Variants in MACROH2A1 observed in about 807,000 individuals in gnomAD.
MACROH2A1 encodes core histone macro-H2A.1.
MACROH2A1 carries 2 observed loss-of-function variants against 31.6 expected under a neutral mutation model. The ratio of observed to expected loss-of-function variants is 0.06; its 90% CI spans 0.03 to 0.20. MACROH2A1 has a LOEUF of 0.20. Ranked by LOEUF, MACROH2A1 falls within the 10% of genes least tolerant of loss-of-function variation. The pLI is 1.00. For missense variants in MACROH2A1, 230 were observed against 474.0 expected (o/e 0.49, Z 4.78); for synonymous variants, 169 against 189.6 (o/e 0.89, Z 0.89).
At chr5:135,364,936 C>G (rs1326486004) in intron 4 of MACROH2A1, among the ~76,000 whole-genome samples, 1 of 152,096 alleles carries the variant, frequency 6.6e-6, no homozygotes, top group Non-Finnish European at 1.5e-5. Flanking sequence ...TGGTAAGGAG[C>G]AAGCCTATAT....
At chr5:135,341,428 G>A (rs1759840129) in intron 8 of MACROH2A1, among the ~76,000 whole-genome samples, 1 of 152,246 alleles carries the variant, frequency 6.6e-6, no homozygotes, top group South Asian at 2.1e-4. Flanking sequence ...GCCCTTGACT[G>A]GGAGAAGTGG....
chr5:135,335,091 G>A lies in MACROH2A1; in HGVS notation c.1004C>T (p.Ser335Phe). The change falls in exon 9 of 9, where the codon TCC becomes TTC. Residue 335 changes from serine to phenylalanine, a missense_variant. This residue lies in a region of MACROH2A1 where 183 missense variants were observed against 319.3 expected (regional missense o/e 0.57). Coordinates refer to ENST00000511689, the MANE Select transcript of MACROH2A1 (RefSeq NM_138610.3). ...GGACATTGTAGACACGAAGTAACTG[G>A]AGATGGCCTTCAGAATCAGCTGAGC... The part of the protein sequence containing the change: ...TAAQLILKAI[S>F]SYFVSTMSSS... 6.2e-7 allele frequency: 1 copy of A among 1,613,822 alleles called. No individual in the cohort carries two copies. The highest frequency in any genetic ancestry group is 8.5e-7 in the Non-Finnish European group (1 of 1,179,680).
chr5:135,338,569 G>A (rs1561566548), intron 8 of MACROH2A1, among the ~76,000 whole-genome samples: 1 of 152,226 alleles, frequency 6.6e-6, no homozygotes, highest in Non-Finnish European at 1.5e-5. Flanking sequence ...ACCCCAGAGA[G>A]CTGCTGGCCG....
intron 2 of MACROH2A1, among the ~76,000 whole-genome samples, chr5:135,378,535 T>G (rs1330537908): frequency 6.6e-6 from 1 of 152,208 alleles, no homozygotes; most frequent in Non-Finnish European, 1.5e-5. Context: ...CGAGCCAGCC[T>G]TGGGGACCGG....
chr5:135,336,570 A>G (rs1758720175), intron 8 of MACROH2A1, among the ~76,000 whole-genome samples: 1 of 152,224 alleles, frequency 6.6e-6, no homozygotes, highest in Non-Finnish European at 1.5e-5. Context: ...TCAGAGCTCC[A>G]GAGCCGCTCT....
intron 6 of MACROH2A1, 144 bp downstream of exon 6, chr5:135,352,802 T>C: frequency 1.6e-6 from 1 of 630,622 alleles, no homozygotes; most frequent in Non-Finnish European, 2.9e-6. Context: ...TAAGTTGATA[T>C]TCAGCGTCTA....
intron 2 of MACROH2A1, among the ~76,000 whole-genome samples, chr5:135,377,745 A>G (rs544931006): frequency 6.6e-6 from 1 of 152,364 alleles, no homozygotes; most frequent in South Asian, 2.1e-4. Context: ...TGGATAGATG[A>G]GAAGCTGCAG....
At chr5:135,335,183 G>A (rs745693937) in intron 8 of MACROH2A1, 42 bp from the exon 9 acceptor site, 25 of 1,523,708 alleles carry the variant, frequency 1.6e-5, no homozygotes, top group Admixed American at 6.7e-5. Context: ...GGGATGCCAC[G>A]GGGGCTGCAG....
At chr5:135,344,226 C>G (rs76424242) in intron 7 of MACROH2A1, 45 of 152,432 alleles carry the variant, frequency 3.0e-4, no homozygotes, top group African/African-American at 1.1e-3. Context: ...TCCAGAACCC[C>G]TGTCCACAGA....
chr5:135,339,165 C>G (rs1759343423), intron 8 of MACROH2A1, among the ~76,000 whole-genome samples: 1 of 152,214 alleles, frequency 6.6e-6, no homozygotes, highest in Non-Finnish European at 1.5e-5. Context: ...TCTGAGCTTT[C>G]CCTAAATTCA....
At chr5:135,337,750 G>A (rs1024135382) in intron 8 of MACROH2A1, among the ~76,000 whole-genome samples, 17 of 152,224 alleles carry the variant, frequency 1.1e-4, no homozygotes, top group Non-Finnish European at 8.8e-5. Flanking sequence ...AGAGAGGTCA[G>A]TATCAAATGT....
chr5:135,399,053 G>A lies in MACROH2A1; in HGVS notation c.-34+9C>T, dbSNP rs1228669843. The A allele has an allele frequency of 4.6e-5, 7 of 151,730 alleles. No individual in the cohort carries two copies. In the South Asian group the frequency reaches 1.3e-3, roughly 27 times the overall value. 9.4% of individuals were successfully genotyped at this position (151,730 alleles called of 1,614,324 possible). A position where few individuals can be genotyped will look rare whatever the true frequency, so the allele number is the denominator to read the frequency against. ...GGGAGTGCGGCAAGGGGGCCCGCGC[G>A]GCACTTACGCGGCGGCTCGGTGGCG... On this transcript the variant is annotated intron_variant, in intron 1 of 8. Transcript: ENST00000511689. This position sits in a 1 kb window ranked among gnomAD's most constrained non-coding sequence, Gnocchi z 4.5.
At chr5:135,370,462 G>A (rs2149847049) in intron 2 of MACROH2A1, among the ~76,000 whole-genome samples, 1 of 152,318 alleles carries the variant, frequency 6.6e-6, no homozygotes, top group East Asian at 1.9e-4. Context: ...TCCCAGAAAG[G>A]GTGCTTGCAG....
chr5:135,385,134 C>T (rs1436225345), intron 2 of MACROH2A1, among the ~76,000 whole-genome samples: 1 of 152,246 alleles, frequency 6.6e-6, no homozygotes, highest in Non-Finnish European at 1.5e-5. Flanking sequence ...CCATGTGGCA[C>T]ATCCCATCAC....
chr5:135,389,925 C>T (rs982776695), intron 1 of MACROH2A1, among the ~76,000 whole-genome samples: 15 of 152,216 alleles, frequency 9.9e-5, no homozygotes, highest in Admixed American at 9.8e-4. Flanking sequence ...AATCTGGGTA[C>T]ACACCCACCT....
intron 5 of MACROH2A1, chr5:135,359,321 C>T: frequency 1.0e-6 from 1 of 985,294 alleles, no homozygotes; most frequent in South Asian, 4.7e-5. Context: ...GAATATGTTA[C>T]AGGGGTGAAA....
intron 1 of MACROH2A1, among the ~76,000 whole-genome samples, chr5:135,392,921 T>C (rs1443435584): frequency 2.0e-5 from 3 of 152,152 alleles, no homozygotes; most frequent in Non-Finnish European, 4.4e-5. Context: ...AAAGCATCCA[T>C]GTAAGGGCCT....
At chr5:135,336,031 G>A (rs1213850844) in intron 8 of MACROH2A1, among the ~76,000 whole-genome samples, 1 of 152,182 alleles carries the variant, frequency 6.6e-6, no homozygotes, top group Non-Finnish European at 1.5e-5. Context: ...GCTCTCATGG[G>A]TAGGCTCTTT....
chr5:135,351,151 GAA>G (rs1357004773), intron 6 of MACROH2A1: 1 of 404,720 alleles, frequency 2.5e-6, no homozygotes, highest in African/African-American at 2.0e-5. Flanking sequence ...CAAAAAAAGA[GAA>G]ACACACACAT....
Sources: gnomAD v4.1 joint callset for allele counts (sites outside exome capture counted in the v4.1 genomes callset) on GRCh38, gnomAD v4.1.1 for gene constraint, gnomAD v4.1.1 regional missense constraint, Gnocchi (gnomAD v3.1) non-coding constraint, MANE v1.5 for transcripts, NCBI Gene and HGNC (gene_info 2026-07-23, HGNC 2026-07-21) for gene names.